GRM8: variants seen among roughly 807,000 people sequenced by gnomAD.
GRM8 encodes the protein glutamate metabotropic receptor 8.
Under a neutral mutation model 87.2 loss-of-function variants are expected in GRM8, and 47 were observed. That is an observed-to-expected ratio of 0.54 (90% confidence interval 0.43 to 0.69). The LOEUF is 0.69. Ranked by LOEUF, GRM8 falls within the 30% of genes least tolerant of loss-of-function variation. The pLI, the probability that GRM8 is intolerant of heterozygous loss-of-function variation, is 0.00. For missense variants in GRM8, 1,019 were observed against 1,139.2 expected, an observed-to-expected ratio of 0.89 and a Z score of 1.52; for synonymous variants, 396 against 404.5, an observed-to-expected ratio of 0.98 and a Z score of 0.25.
At chr7:126,734,124 C>T (rs542459926) in intron 7 of GRM8, among the ~76,000 whole-genome samples, 1 of 151,772 alleles carries the variant, frequency 6.6e-6, no homozygotes, top group Admixed American at 6.6e-5. Flanking sequence ...TGGGAATTTC[C>T]CAGAACTACA....
Position 126,533,905 on chromosome 7 carries a change from T to A in GRM8, c.1495-18A>T, listed in dbSNP as rs1397878314. The stretch of plus-strand genomic sequence containing the variant: ...TCTTCCACCTGTGGGTATAAAAAAT[T>A]AATGAGCCTTCCATTTTTCCCCCAT... On this transcript the variant is annotated intron_variant, in intron 8 of 10. Transcript: ENST00000339582. 1.3e-6 allele frequency: 2 copies of A among 1,560,156 alleles called. No homozygotes were observed. The highest frequency in any genetic ancestry group is 4.5e-5 in the East Asian group (2 of 44,546).
chr7:127,244,643 C>G (rs369776213), intron 1 of GRM8, among the ~76,000 whole-genome samples: 4 of 152,124 alleles, frequency 2.6e-5, no homozygotes, highest in Admixed American at 2.6e-4. Flanking sequence ...GACAGTTCTC[C>G]TGTACCCTAG....
chr7:126,627,773 T>C (rs1238105717), intron 7 of GRM8, among the ~76,000 whole-genome samples: 1 of 152,160 alleles, frequency 6.6e-6, no homozygotes, highest in East Asian at 1.9e-4. Context: ...GTTAGCAATC[T>C]TTTTTCCTTT....
chr7:126,683,991 T>G (rs1456580126), intron 7 of GRM8, among the ~76,000 whole-genome samples: 3 of 152,222 alleles, frequency 2.0e-5, no homozygotes, highest in Non-Finnish European at 4.4e-5. Flanking sequence ...AGAGGGATCA[T>G]GTTGAATTTT....
chr7:126,805,882 A>T (rs528245196), intron 6 of GRM8, among the ~76,000 whole-genome samples: 6 of 152,268 alleles, frequency 3.9e-5, no homozygotes, highest in African/African-American at 1.4e-4. Context: ...GGTCTCACAG[A>T]CTTTCGGTTC....
At chr7:127,000,209 G>A (rs905289473) in intron 3 of GRM8, among the ~76,000 whole-genome samples, 2 of 151,690 alleles carry the variant, frequency 1.3e-5, no homozygotes, top group Non-Finnish European at 3.0e-5. Context: ...TGAACTCATG[G>A]AGAGAGCAGA....
At chr7:126,875,509 C>T (rs957401153) in intron 6 of GRM8, among the ~76,000 whole-genome samples, 2 of 152,134 alleles carry the variant, frequency 1.3e-5, no homozygotes, top group Admixed American at 1.3e-4. Context: ...TAAGAAGTCA[C>T]CATAGGTATG....
intron 2 of GRM8, among the ~76,000 whole-genome samples, chr7:127,210,200 G>A (rs1297367710): frequency 6.6e-6 from 1 of 152,178 alleles, no homozygotes; most frequent in Non-Finnish European, 1.5e-5. Context: ...AAAGATGTTA[G>A]TTTTTTCAGT....
At chr7:126,554,185 A>G (rs1399971458) in intron 8 of GRM8, among the ~76,000 whole-genome samples, 1 of 152,106 alleles carries the variant, frequency 6.6e-6, no homozygotes, top group Non-Finnish European at 1.5e-5. Flanking sequence ...TAATTACTAA[A>G]TGTGTAAATA....
At chr7:126,632,967 A>G (rs1801490251) in intron 7 of GRM8, among the ~76,000 whole-genome samples, 1 of 152,140 alleles carries the variant, frequency 6.6e-6, no homozygotes, top group Non-Finnish European at 1.5e-5. Context: ...TTTTGTTAGT[A>G]AAGTGTAAAC....
chr7:126,438,758 G>T lies in GRM8; in HGVS notation c.*361C>A, dbSNP rs1290898200. The T allele has an allele frequency of 4.9e-6, 1 of 205,530 alleles. No individual in the cohort carries two copies. Among genetic ancestry groups the T allele is most frequent in the Non-Finnish European group, 9.9e-6 (1 of 101,322 alleles). 12.7% of individuals were successfully genotyped at this position (205,530 alleles called of 1,614,324 possible). A position where few individuals can be genotyped will look rare whatever the true frequency, so the allele number is the denominator to read the frequency against. ...GTCTTATACAAGTTAAACAATGTGGGACAGGAACGGGAGTTCTCACAATCA... is the reference window on the plus strand; with the variant it reads ...GTCTTATACAAGTTAAACAATGTGGTACAGGAACGGGAGTTCTCACAATCA... On this transcript the variant is annotated 3_prime_UTR_variant, in exon 11 of 11. Coordinates refer to ENST00000339582, the MANE Select transcript of GRM8 (RefSeq NM_000845.3).
chr7:126,942,790 T>G (rs1381307955), intron 3 of GRM8, among the ~76,000 whole-genome samples: 1 of 152,136 alleles, frequency 6.6e-6, no homozygotes, highest in Non-Finnish European at 1.5e-5. Context: ...TGCTAACACA[T>G]TCAAGTGACA....
intron 2 of GRM8, among the ~76,000 whole-genome samples, chr7:127,147,804 A>T (rs578101707): frequency 4.6e-5 from 7 of 152,088 alleles, no homozygotes; most frequent in African/African-American, 1.7e-4. Context: ...CAGAGAAAGA[A>T]TATTAGAGCT....
chr7:126,516,619 A>G (rs1355359485), intron 9 of GRM8, among the ~76,000 whole-genome samples: 1 of 152,130 alleles, frequency 6.6e-6, no homozygotes, highest in Non-Finnish European at 1.5e-5. Context: ...TAGCAGCAAG[A>G]AAGAGAGCCC....
intron 6 of GRM8, among the ~76,000 whole-genome samples, chr7:126,820,427 A>G (rs1794190020): frequency 6.6e-6 from 1 of 152,104 alleles, no homozygotes; most frequent in Admixed American, 6.5e-5. Context: ...GCACCACCCT[A>G]TCTTCACCTC....
intron 9 of GRM8, among the ~76,000 whole-genome samples, chr7:126,454,610 C>T (rs978765620): frequency 6.6e-6 from 1 of 151,434 alleles, no homozygotes; most frequent in East Asian, 2.0e-4. Context: ...GAAGGCCTAA[C>T]CCCCAGTACC....
At chr7:126,656,206 A>G (rs1324163790) in intron 7 of GRM8, among the ~76,000 whole-genome samples, 1 of 152,190 alleles carries the variant, frequency 6.6e-6, no homozygotes, top group Non-Finnish European at 1.5e-5. Context: ...TAAGATAACT[A>G]GAGTAACTTG....
intron 6 of GRM8, among the ~76,000 whole-genome samples, chr7:126,832,058 A>G (rs972546504): frequency 1.3e-5 from 2 of 152,002 alleles, no homozygotes; most frequent in South Asian, 2.1e-4. Flanking sequence ...TCAAGTATTT[A>G]TTGTGTACCT....
intron 6 of GRM8, among the ~76,000 whole-genome samples, chr7:126,837,348 G>T (rs146618807): frequency 6.6e-6 from 1 of 152,146 alleles, no homozygotes; most frequent in Admixed American, 6.5e-5. Flanking sequence ...GTATTATTTA[G>T]TTGTTCTGTT....
Sources: gnomAD v4.1 joint callset for allele counts (sites outside exome capture counted in the v4.1 genomes callset) on GRCh38, gnomAD v4.1.1 for gene constraint, MANE v1.5 for transcripts, NCBI Gene and HGNC (gene_info 2026-07-23, HGNC 2026-07-21) for gene names.